KCNQ1OT1: variants seen among roughly 807,000 people sequenced by gnomAD.
KCNQ1OT1 encodes the protein KCNQ1 antisense RNA 2 (non-protein coding).
Position 2,658,599 on chromosome 11 carries a change from A to C in KCNQ1OT1, n.41396T>G, listed in dbSNP as rs1382143496. 2.5e-6 allele frequency: 1 copy of C among 398,430 alleles called. No individual in the cohort carries two copies. The allele number at this position is 398,430 out of a possible 1,614,324, so 24.7% of individuals were successfully genotyped here. On this transcript the variant is annotated non_coding_transcript_exon_variant, in exon 1 of 1. Coordinates refer to ENST00000597346, the Ensembl canonical transcript of KCNQ1OT1. This position sits in a 1 kb window ranked among gnomAD's most constrained non-coding sequence, Gnocchi z 4.9. Reference sequence around the variant, plus strand: ...GAGAGCCCTGGCTCCCTGGAGAATGAATAGAAAACCTGGATCTAGGCACGG... The same window carrying C: ...GAGAGCCCTGGCTCCCTGGAGAATGCATAGAAAACCTGGATCTAGGCACGG...
chr11:2,631,717 G>A, exon 1 of KCNQ1OT1: 1 of 398,542 alleles, frequency 2.5e-6, no homozygotes. Context: ...AGCAGCTGTA[G>A]CCCAGATGAG....
chr11:2,637,980 A>G (rs979657156), exon 1 of KCNQ1OT1: 1 of 152,260 alleles, frequency 6.6e-6, no homozygotes, highest in Non-Finnish European at 1.5e-5. Flanking sequence ...AGTCTGTTTT[A>G]TCAGAGACTA....
At chr11:2,684,425 C>T in exon 1 of KCNQ1OT1, 1 of 398,684 alleles carries the variant, frequency 2.5e-6, no homozygotes, top group Non-Finnish European at 4.4e-6. Flanking sequence ...CCAGCACCAC[C>T]TCTTTCATTT....
At chr11:2,610,941 T>C (rs569926623) in exon 1 of KCNQ1OT1, 56 of 398,362 alleles carry the variant, frequency 1.4e-4, no homozygotes, top group African/African-American at 1.1e-3. Context: ...TCTGAATAAT[T>C]GATAGAACAA....
At chr11:2,622,724 A>C (rs1263680849) in exon 1 of KCNQ1OT1, 2 of 398,418 alleles carry the variant, frequency 5.0e-6, no homozygotes, top group Non-Finnish European at 8.8e-6. Context: ...TAAAGACTTT[A>C]TATTTTTAGA....
At chr11:2,643,254 G>A in exon 1 of KCNQ1OT1, 1 of 398,208 alleles carries the variant, frequency 2.5e-6, no homozygotes, top group Non-Finnish European at 4.4e-6. Context: ...TACTGGAAAT[G>A]GAGAATTGAA....
In KCNQ1OT1 at chr11:2,677,176, C is replaced by T. The variant is rs1850308411; in HGVS notation, n.22819G>A. 7.5e-6 allele frequency: 3 copies of T among 398,512 alleles called. No homozygotes were observed. The South Asian group carries it at 3.8e-4, about 51-fold the overall frequency. The allele number at this position is 398,512 out of a possible 1,614,324, so 24.7% of individuals were successfully genotyped here. A position where few individuals can be genotyped will look rare whatever the true frequency, so the allele number is the denominator to read the frequency against. On this transcript the variant is annotated non_coding_transcript_exon_variant, in exon 1 of 1. Coordinates refer to ENST00000597346, the Ensembl canonical transcript of KCNQ1OT1. The surrounding 1 kb of genome is among the most constrained non-coding windows in gnomAD (Gnocchi z 4.5). ...TTTCTCCCTATCCATCTTATCCCTACTTGTATCTCTGCTGACTGACCTCTT... is the reference window on the plus strand; with the variant it reads ...TTTCTCCCTATCCATCTTATCCCTATTTGTATCTCTGCTGACTGACCTCTT...
exon 1 of KCNQ1OT1, chr11:2,609,985 A>G (rs1260613906): frequency 2.5e-6 from 1 of 397,864 alleles, no homozygotes. Flanking sequence ...GCCTTTGATT[A>G]GATTGTTTAA....
rs1437753152 is a variant in KCNQ1OT1 at position 2,624,979 on chromosome 11, A to G, written n.75016T>C. 2.0e-5 allele frequency: 8 copies of G among 398,396 alleles called. No individual in the cohort carries two copies. Among genetic ancestry groups the G allele is most frequent in the Admixed American group, 8.8e-5 (2 of 22,706 alleles). 24.7% of individuals were successfully genotyped at this position (398,396 alleles called of 1,614,324 possible). The stretch of plus-strand genomic sequence containing the variant: ...TGTATATACCACATTTTGCTTATCC[A>G]TTCTTCCATGGACATTTGGGTTGCA... On this transcript the variant is annotated non_coding_transcript_exon_variant, in exon 1 of 1. Coordinates refer to ENST00000597346, the Ensembl canonical transcript of KCNQ1OT1. The surrounding 1 kb of genome is among the most constrained non-coding windows in gnomAD (Gnocchi z 4.9).
chr11:2,689,381 G>A, exon 1 of KCNQ1OT1: 1 of 398,720 alleles, frequency 2.5e-6, no homozygotes, highest in East Asian at 3.6e-5. Context: ...TGCTTGAGTG[G>A]GGTGGAAGAA....
chr11:2,653,003 G>A lies in KCNQ1OT1; in HGVS notation n.46992C>T, dbSNP rs1477939061. 1 of 398,616 alleles carries A rather than the reference G, an allele frequency of 2.5e-6. No homozygotes were observed. The allele number at this position is 398,616 out of a possible 1,614,324, so 24.7% of individuals were successfully genotyped here. A position where few individuals can be genotyped will look rare whatever the true frequency, so the allele number is the denominator to read the frequency against. On this transcript the variant is annotated non_coding_transcript_exon_variant, in exon 1 of 1. Coordinates refer to ENST00000597346, the Ensembl canonical transcript of KCNQ1OT1. The surrounding 1 kb of genome is among the most constrained non-coding windows in gnomAD (Gnocchi z 5.3). The stretch of plus-strand genomic sequence containing the variant: ...TGTGTCACATCACTGTCATGCTTGA[G>A]GCAAATCTATTCTGCACACCTTTGA...
At chr11:2,625,047 G>T in exon 1 of KCNQ1OT1, 2 of 398,530 alleles carry the variant, frequency 5.0e-6, no homozygotes, top group East Asian at 7.1e-5. Flanking sequence ...ACAATCGTGG[G>T]TATACAAATA....
Position 2,687,544 on chromosome 11 carries a change from C to A in KCNQ1OT1, n.12451G>T, listed in dbSNP as rs1397333546. 2 of 398,726 alleles carry A rather than the reference C, an allele frequency of 5.0e-6. No homozygotes were observed. Among genetic ancestry groups the A allele is most frequent in the Non-Finnish European group, 8.8e-6 (2 of 226,164 alleles). The allele number at this position is 398,726 out of a possible 1,614,324, so 24.7% of individuals were successfully genotyped here. A position where few individuals can be genotyped will look rare whatever the true frequency, so the allele number is the denominator to read the frequency against. On this transcript the variant is annotated non_coding_transcript_exon_variant, in exon 1 of 1. Transcript: ENST00000597346. This position sits in a 1 kb window ranked among gnomAD's most constrained non-coding sequence, Gnocchi z 5.0. The stretch of plus-strand genomic sequence containing the variant: ...TCTGTATGGTCCCTTCCCTGGTGCA[C>A]CTACCACAGCCCACTCTGATGACCC...
At chr11:2,693,998 C>G in exon 1 of KCNQ1OT1, 1 of 398,728 alleles carries the variant, frequency 2.5e-6, no homozygotes, top group Non-Finnish European at 4.4e-6. Flanking sequence ...CCCGGCCTCT[C>G]TAGGCCACCT....
At position 2,661,111 on chromosome 11, in the gene KCNQ1OT1, C is replaced by A. The variant is rs1310826344; in HGVS notation, n.38884G>T. 4 of 398,392 alleles carry A rather than the reference C, an allele frequency of 1.0e-5. No homozygotes were observed. The highest frequency in any genetic ancestry group is 4.4e-5 in the Admixed American group (1 of 22,682). 24.7% of individuals were successfully genotyped at this position (398,392 alleles called of 1,614,324 possible). On this transcript the variant is annotated non_coding_transcript_exon_variant, in exon 1 of 1. Transcript: ENST00000597346. The surrounding 1 kb of genome is among the most constrained non-coding windows in gnomAD (Gnocchi z 5.9). ...CATAAAAGCAACTCCCACCTGGCAT[C>A]TGCTGCTCGGATGAGCAGAGAGGGT...
exon 1 of KCNQ1OT1, chr11:2,641,640 A>C (rs1849578648): frequency 2.5e-6 from 1 of 398,318 alleles, no homozygotes; most frequent in Non-Finnish European, 4.4e-6. Context: ...TTATCATTTA[A>C]TATAGTCCCA....
exon 1 of KCNQ1OT1, chr11:2,689,307 A>G (rs910318760): frequency 2.3e-5 from 9 of 398,510 alleles, no homozygotes; most frequent in African/African-American, 6.2e-5. Flanking sequence ...CTAAGACTCA[A>G]TGCCACCTCA....
Position 2,659,409 on chromosome 11 carries a change from T to A in KCNQ1OT1, n.40586A>T. The A allele has an allele frequency of 5.0e-6, 2 of 398,642 alleles. No individual in the cohort carries two copies. The highest frequency in any genetic ancestry group is 4.4e-6 in the Non-Finnish European group (1 of 226,050). The allele number at this position is 398,642 out of a possible 1,614,324, so 24.7% of individuals were successfully genotyped here. On this transcript the variant is annotated non_coding_transcript_exon_variant, in exon 1 of 1. Coordinates refer to ENST00000597346, the Ensembl canonical transcript of KCNQ1OT1. This position sits in a 1 kb window ranked among gnomAD's most constrained non-coding sequence, Gnocchi z 4.3. ...CTGCTTAGCAAAATGCATTTGAGAT[T>A]CATCCATGTTGTTGCATAAATCATT...
At chr11:2,622,531 G>A (rs760662883) in exon 1 of KCNQ1OT1, 36 of 398,046 alleles carry the variant, frequency 9.0e-5, no homozygotes, top group East Asian at 7.1e-4. Flanking sequence ...GAATTTAATC[G>A]ACTTACATTT....
Sources: gnomAD v4.1 joint callset for allele counts on GRCh38, gnomAD v4.1.1 for gene constraint, Gnocchi (gnomAD v3.1) non-coding constraint, MANE v1.5 for transcripts, NCBI Gene and HGNC (gene_info 2026-07-23, HGNC 2026-07-21) for gene names.